Variants in ENTHD1 observed in about 807,000 individuals in gnomAD.
ENTHD1 encodes ENTH domain containing 1.
Under a neutral mutation model 39.1 loss-of-function variants are expected in ENTHD1, and 23 were observed. The observed-to-expected ratio is 0.59, with a 90% confidence interval of 0.42 to 0.83. The LOEUF is 0.83. Ranked by LOEUF, ENTHD1 falls within the 40% of genes least tolerant of loss-of-function variation. The probability of loss-of-function intolerance (pLI) is 0.00; values close to 1 mark genes in which losing one functional copy is unlikely to be tolerated. For missense variants in ENTHD1, 624 were observed against 705.4 expected, an observed-to-expected ratio of 0.88 and a Z score of 1.31; for synonymous variants, 230 against 258.2, an observed-to-expected ratio of 0.89 and a Z score of 1.05.
intron 6 of ENTHD1, among the ~76,000 whole-genome samples, chr22:39,759,992 C>T (rs1378748012): frequency 5.3e-5 from 8 of 151,036 alleles, no homozygotes; most frequent in Non-Finnish European, 7.4e-5. Flanking sequence ...GTTTTCATAC[C>T]GCACTTTATT....
chr22:39,785,154 A>C (rs2065445493), intron 5 of ENTHD1, among the ~76,000 whole-genome samples: 1 of 152,226 alleles, frequency 6.6e-6, no homozygotes, highest in Non-Finnish European at 1.5e-5. Context: ...AATGATTAAA[A>C]AATACAGCAC....
At chr22:39,815,462 G>C (rs1008870518) in intron 5 of ENTHD1, among the ~76,000 whole-genome samples, 2 of 151,714 alleles carry the variant, frequency 1.3e-5, no homozygotes, top group Non-Finnish European at 2.9e-5. Context: ...AAAAACAAAG[G>C]TAAACATTTT....
chr22:39,744,329 T>C (rs1256280707), intron 6 of ENTHD1, 46 bp from the exon 7 acceptor site: 1 of 1,499,074 alleles, frequency 6.7e-7, no homozygotes, highest in Non-Finnish European at 8.9e-7. Flanking sequence ...AACATACAAA[T>C]GAGAGTAATA....
At chr22:39,751,465 G>A (rs533127100) in intron 6 of ENTHD1, among the ~76,000 whole-genome samples, 2 of 152,308 alleles carry the variant, frequency 1.3e-5, no homozygotes, top group Non-Finnish European at 2.9e-5. Flanking sequence ...CTCTGGTTTT[G>A]GAAGATCCAG....
chr22:39,835,351 A>G (rs927560038), intron 4 of ENTHD1, among the ~76,000 whole-genome samples: 1 of 152,162 alleles, frequency 6.6e-6, no homozygotes, highest in Non-Finnish European at 1.5e-5. Context: ...AAGACTATTC[A>G]ACAAATTAAA....
chr22:39,805,053 G>A (rs2065629670), intron 5 of ENTHD1, among the ~76,000 whole-genome samples: 1 of 152,186 alleles, frequency 6.6e-6, no homozygotes, highest in South Asian at 2.1e-4. Flanking sequence ...GGGAGCTGGG[G>A]AGACCAGGGA....
At chr22:39,856,523 A>G (rs191308508) in intron 3 of ENTHD1, among the ~76,000 whole-genome samples, 228 of 152,296 alleles carry the variant, frequency 1.5e-3, no homozygotes, top group African/African-American at 5.3e-3. Context: ...ACAGATTTAA[A>G]ACAAATTTAC....
intron 6 of ENTHD1, among the ~76,000 whole-genome samples, chr22:39,763,728 T>C (rs1435338596): frequency 6.6e-6 from 1 of 152,202 alleles, no homozygotes; most frequent in Non-Finnish European, 1.5e-5. Context: ...TACTATCTAT[T>C]ATAAGCAGAC....
At chr22:39,885,161 T>A (rs1451951959) in intron 2 of ENTHD1, among the ~76,000 whole-genome samples, 1 of 152,162 alleles carries the variant, frequency 6.6e-6, no homozygotes, top group African/African-American at 2.4e-5. Context: ...AACAGTTGTT[T>A]TAAAAAGTTA....
At chr22:39,881,933 AG>A (rs763679253) in intron 2 of ENTHD1, among the ~76,000 whole-genome samples, 58 of 152,172 alleles carry the variant, frequency 3.8e-4, no homozygotes, top group Non-Finnish European at 6.8e-4. Flanking sequence ...TTTTTTCTAT[AG>A]TATCTTCTTT....
In ENTHD1 at chr22:39,765,317, G is replaced by C; in HGVS notation, c.1125C>G (p.Asp375Glu). 1 of 1,613,746 alleles carries C rather than the reference G, an allele frequency of 6.2e-7. No individual in the cohort carries two copies. The highest frequency in any genetic ancestry group is 8.5e-7 in the Non-Finnish European group (1 of 1,179,916). ...LCLSPSFKIF[D>E]RVKEIVINKA... ...TGTTGATTACAATCTCCTTCACTCGGTCAAATATTTTGAATGAGGGAGAGA... is the reference window on the plus strand; with the variant it reads ...TGTTGATTACAATCTCCTTCACTCGCTCAAATATTTTGAATGAGGGAGAGA... The change falls in exon 6 of 7, where the codon GAC (aspartate) becomes GAG (glutamate). Residue 375 changes from aspartate (D) to glutamate (E), a missense_variant. Asp to Glu is a conservative substitution (Grantham distance 45). Coordinates refer to ENST00000325157, the MANE Select transcript of ENTHD1 (RefSeq NM_152512.4).
intron 6 of ENTHD1, among the ~76,000 whole-genome samples, chr22:39,748,676 G>A: frequency 6.6e-6 from 1 of 151,982 alleles, no homozygotes; most frequent in East Asian, 1.9e-4. Flanking sequence ...GCCTGCCTAG[G>A]CCTCCCAAAG....
chr22:39,771,120 G>A (rs1239666649), intron 5 of ENTHD1, among the ~76,000 whole-genome samples: 1 of 151,894 alleles, frequency 6.6e-6, no homozygotes, highest in African/African-American at 2.4e-5. Flanking sequence ...AATACTTAAT[G>A]TTTTTGTATT....
At chr22:39,880,579 A>G (rs2066329258) in intron 2 of ENTHD1, among the ~76,000 whole-genome samples, 1 of 152,202 alleles carries the variant, frequency 6.6e-6, no homozygotes, top group Non-Finnish European at 1.5e-5. Flanking sequence ...GTACAGGGGA[A>G]GAGGGTATTT....
intron 6 of ENTHD1, among the ~76,000 whole-genome samples, chr22:39,744,564 A>G (rs1569120693): frequency 6.6e-6 from 1 of 152,176 alleles, no homozygotes; most frequent in Non-Finnish European, 1.5e-5. Context: ...CCTGCCCAAC[A>G]TATTTTTACA....
At chr22:39,875,620 G>T (rs2066282799) in intron 2 of ENTHD1, 1 of 1,611,808 alleles carries the variant, frequency 6.2e-7, no homozygotes, top group Non-Finnish European at 8.5e-7. Flanking sequence ...CCGAGGCTAG[G>T]AAAGGTTTCT....
At position 39,866,362 on chromosome 22, in the gene ENTHD1, G is replaced by C. The variant is rs543054273; in HGVS notation, c.350-4355C>G. On this transcript the variant is annotated intron_variant, in intron 2 of 6. Transcript: ENST00000325157. The stretch of plus-strand genomic sequence containing the variant: ...GCAATGGGGGTGCAAGTCAGAAAAA[G>C]ACAAGGTCCCTGCACTTGTGACACT... Among the ~76,000 whole-genome samples, 5 of 152,344 alleles carry C rather than the reference G, an allele frequency of 3.3e-5. No individual in the cohort carries two copies. The South Asian group carries it at 1.0e-3, about 32-fold the overall frequency.
At chr22:39,884,858 C>T (rs1443148533) in intron 2 of ENTHD1, among the ~76,000 whole-genome samples, 1 of 152,046 alleles carries the variant, frequency 6.6e-6, no homozygotes, top group Non-Finnish European at 1.5e-5. Context: ...TCAAAAAGGA[C>T]CCAGGATCTG....
At chr22:39,791,473 C>T (rs550308972) in intron 5 of ENTHD1, among the ~76,000 whole-genome samples, 182 of 152,082 alleles carry the variant, frequency 1.2e-3, no homozygotes, top group Non-Finnish European at 2.0e-3. Flanking sequence ...CAGCTCACTG[C>T]AACCTCCACC....
Sources: allele counts gnomAD v4.1 joint callset (sites outside exome capture counted in the v4.1 genomes callset), GRCh38; gene constraint gnomAD v4.1.1; transcripts MANE v1.5; gene names NCBI Gene and HGNC (gene_info 2026-07-23, HGNC 2026-07-21).